The following NCAM1 variants were observed in gnomAD, a reference collection of about 807,000 sequenced individuals.
The protein encoded by NCAM1 is antigen recognized by monoclonal antibody 5.1H11.
Under a neutral mutation model 109.8 loss-of-function variants are expected in NCAM1, and 14 were observed. The ratio of observed to expected loss-of-function variants is 0.13; its 90% CI spans 0.08 to 0.20. NCAM1 has a LOEUF of 0.20. Ranked by LOEUF, NCAM1 falls within the 10% of genes least tolerant of loss-of-function variation. The probability of loss-of-function intolerance (pLI) is 1.00; values close to 1 mark genes in which losing one functional copy is unlikely to be tolerated. For missense variants in NCAM1, 774 were observed against 1,109.9 expected (o/e 0.70, Z 4.30); for synonymous variants, 418 against 442.9 (o/e 0.94, Z 0.70).
chr11:113,161,445 G>A (rs1555104391), intron 1 of NCAM1, among the ~76,000 whole-genome samples: 1 of 152,082 alleles, frequency 6.6e-6, no homozygotes, highest in Non-Finnish European at 1.5e-5. Context: ...GGCTGCTGGA[G>A]TGTATTCTTC....
intron 1 of NCAM1, among the ~76,000 whole-genome samples, chr11:113,140,045 T>C (rs1555100124): frequency 6.6e-6 from 1 of 152,212 alleles, no homozygotes; most frequent in African/African-American, 2.4e-5. Context: ...TCACAAATAT[T>C]TGCAGAGCAC....
chr11:113,184,672 G>A (rs1012101098), intron 1 of NCAM1, among the ~76,000 whole-genome samples: 20 of 152,096 alleles, frequency 1.3e-4, no homozygotes, highest in African/African-American at 3.1e-4. Context: ...TAGCACATTC[G>A]TCTGTGGGAG....
chr11:113,192,318 G>C (rs905220835), intron 1 of NCAM1, among the ~76,000 whole-genome samples: 2 of 152,188 alleles, frequency 1.3e-5, no homozygotes, highest in African/African-American at 4.8e-5. Flanking sequence ...GCTTAGCTGA[G>C]TTCCAAACAT....
At chr11:113,011,773 G>A (rs563403023) in intron 1 of NCAM1, among the ~76,000 whole-genome samples, 1 of 152,264 alleles carries the variant, frequency 6.6e-6, no homozygotes, top group South Asian at 2.1e-4. Context: ...CAAACAAGGG[G>A]CTTATGCTCA....
At chr11:113,117,225 A>G (rs1940752070) in intron 1 of NCAM1, among the ~76,000 whole-genome samples, 1 of 152,026 alleles carries the variant, frequency 6.6e-6, no homozygotes, top group South Asian at 2.1e-4. Flanking sequence ...AAACTAATAC[A>G]TCAGAAGCAA....
intron 17 of NCAM1, among the ~76,000 whole-genome samples, chr11:113,265,995 C>T (rs1306517426): frequency 2.0e-5 from 3 of 152,208 alleles, no homozygotes; most frequent in African/African-American, 7.2e-5. Context: ...TTCATAATCT[C>T]CCTGTCCTGG....
intron 19 of NCAM1, 46 bp from the exon 20 acceptor site, chr11:113,275,221 C>G (rs1555126312): frequency 1.2e-6 from 2 of 1,610,214 alleles, no homozygotes; most frequent in African/African-American, 2.7e-5. Flanking sequence ...GGCGAGATGT[C>G]TGCAGACCGT....
intron 15 of NCAM1, among the ~76,000 whole-genome samples, chr11:113,248,433 A>T (rs1483128639): frequency 2.0e-5 from 3 of 152,176 alleles, no homozygotes; most frequent in African/African-American, 7.2e-5. Context: ...GTCAGGGCCA[A>T]TAAAATCCAT....
intron 1 of NCAM1, among the ~76,000 whole-genome samples, chr11:112,999,654 C>A (rs550523605): frequency 3.6e-4 from 55 of 152,064 alleles, no homozygotes; most frequent in African/African-American, 1.3e-3. Flanking sequence ...TTGTCTGATT[C>A]ATTATAAATT....
chr11:113,097,662 C>T (rs782369542), intron 1 of NCAM1, among the ~76,000 whole-genome samples: 2 of 145,842 alleles, frequency 1.4e-5, no homozygotes, highest in Non-Finnish European at 3.0e-5. Flanking sequence ...TTTTTTAGAA[C>T]ATACTTTAGA....
chr11:113,055,146 T>C (rs1363876358), intron 1 of NCAM1, among the ~76,000 whole-genome samples: 1 of 152,240 alleles, frequency 6.6e-6, no homozygotes, highest in Non-Finnish European at 1.5e-5. Context: ...TTTTGCTTTC[T>C]CTGAGGAAAA....
chr11:113,012,005 T>TTCCC (rs1271764991), intron 1 of NCAM1, among the ~76,000 whole-genome samples: 1 of 148,818 alleles, frequency 6.7e-6, no homozygotes, highest in African/African-American at 2.5e-5. Flanking sequence ...CCTTCCTTCC[T>TTCCC]TCCTTCCTTT....
chr11:113,104,209 G>T (rs1388332814), intron 1 of NCAM1, among the ~76,000 whole-genome samples: 1 of 118,398 alleles, frequency 8.4e-6, no homozygotes, highest in East Asian at 3.4e-4. Context: ...AGGTGGGGTG[G>T]GGGGGGGGGC....
intron 1 of NCAM1, among the ~76,000 whole-genome samples, chr11:113,121,461 TC>T (rs781882295): frequency 4.0e-5 from 5 of 124,806 alleles, no homozygotes; most frequent in Admixed American, 2.1e-4. Flanking sequence ...CCTCAGGTGA[TC>T]CCCCTGCCTC....
At chr11:113,202,536 C>A in intron 2 of NCAM1, 83 bp downstream of exon 2, 1 of 1,260,498 alleles carries the variant, frequency 7.9e-7, no homozygotes, top group South Asian at 1.5e-5. Context: ...GCCATGTGAG[C>A]TGGCTGGTCA....
chr11:113,037,641 C>T (rs1350193591), intron 1 of NCAM1, among the ~76,000 whole-genome samples: 1 of 152,234 alleles, frequency 6.6e-6, no homozygotes, highest in Non-Finnish European at 1.5e-5. Flanking sequence ...CCCAGACTTA[C>T]AGCCTTACGG....
chr11:113,016,346 T>C (rs1194750702), intron 1 of NCAM1, among the ~76,000 whole-genome samples: 1 of 152,180 alleles, frequency 6.6e-6, no homozygotes, highest in Non-Finnish European at 1.5e-5. Context: ...GGTGATGACC[T>C]GGCTGAAATT....
chr11:113,271,552 T>C (rs1946275258), intron 18 of NCAM1, among the ~76,000 whole-genome samples: 1 of 152,124 alleles, frequency 6.6e-6, no homozygotes, highest in African/African-American at 2.4e-5. Flanking sequence ...TTTTGCCTCA[T>C]TTTACAGATG....
At chr11:113,107,819 A>C (rs556414195) in intron 1 of NCAM1, among the ~76,000 whole-genome samples, 1 of 152,158 alleles carries the variant, frequency 6.6e-6, no homozygotes, top group African/African-American at 2.4e-5. Context: ...TGTTGACCAA[A>C]TGGCATAAAT....
Sources: allele counts gnomAD v4.1 joint callset (sites outside exome capture counted in the v4.1 genomes callset), GRCh38; gene constraint gnomAD v4.1.1; transcripts MANE v1.5; gene names NCBI Gene and HGNC (gene_info 2026-07-23, HGNC 2026-07-21).